GRK5: variants seen among roughly 807,000 people sequenced by gnomAD.
The protein encoded by GRK5 is g protein-coupled receptor kinase GRK5.
In GRK5, 40 loss-of-function variants were observed where a neutral mutation model predicts 78.4. The observed-to-expected ratio is 0.51, with a 90% CI of 0.40 to 0.66. The LOEUF is 0.66. Ranked by LOEUF, GRK5 falls within the 30% of genes least tolerant of loss-of-function variation. The pLI is 0.00. For synonymous variants in GRK5, 289 were observed against 296.8 expected, an observed-to-expected ratio of 0.97 and a Z score of 0.27; for missense variants, 598 against 759.9, an observed-to-expected ratio of 0.79 and a Z score of 2.50.
chr10:119,253,140 C>T lies in GRK5; in HGVS notation c.52+45171C>T, dbSNP rs542462687. ...TGCTGATGAGGGAGAGTTGGTGGCTCAGTGGTGACAGCACAGGTTTGACAG... is the reference window on the plus strand; with the variant it reads ...TGCTGATGAGGGAGAGTTGGTGGCTTAGTGGTGACAGCACAGGTTTGACAG... On this transcript the variant is annotated intron_variant, in intron 1 of 15. Coordinates refer to ENST00000392870, the MANE Select transcript of GRK5 (RefSeq NM_005308.3). This position sits in a 1 kb window ranked among gnomAD's most constrained non-coding sequence, Gnocchi z 5.7. Among the ~76,000 whole-genome samples the T allele has an allele frequency of 6.6e-5, 10 of 152,240 alleles. No individual in the cohort carries two copies. The highest frequency in any genetic ancestry group is 2.4e-4 in the African/African-American group (10 of 41,528).
At position 119,443,537 on chromosome 10, in the gene GRK5, C is replaced by T. The variant is rs1276815772; in HGVS notation, c.1058-7C>T. 6.3e-7 allele frequency: 1 copy of T among 1,598,760 alleles called. No individual in the cohort carries two copies. Among genetic ancestry groups the T allele is most frequent in the Non-Finnish European group, 8.6e-7 (1 of 1,167,632 alleles). The stretch of plus-strand genomic sequence containing the variant: ...CCTCACTCCTCTCTCCTCTCCTCTG[C>T]CCCCAGCTCCAGAGGTCCTGAACAA... On this transcript the variant is annotated splice_polypyrimidine_tract_variant and splice_region_variant and intron_variant, in intron 11 of 15. Coordinates refer to ENST00000392870, the MANE Select transcript of GRK5 (RefSeq NM_005308.3).
chr10:119,438,640 G>A (rs918058359), intron 9 of GRK5, among the ~76,000 whole-genome samples: 1 of 152,002 alleles, frequency 6.6e-6, no homozygotes, highest in Non-Finnish European at 1.5e-5. Flanking sequence ...GTCTTCTTCC[G>A]GGGGAAAGAG....
intron 2 of GRK5, among the ~76,000 whole-genome samples, chr10:119,342,124 G>C (rs1850993678): frequency 6.6e-6 from 1 of 152,248 alleles, no homozygotes; most frequent in Non-Finnish European, 1.5e-5. Context: ...TCTGCTAAAG[G>C]CCTTGGCTGA....
intron 2 of GRK5, among the ~76,000 whole-genome samples, chr10:119,335,713 C>T (rs1358246764): frequency 6.6e-6 from 1 of 152,234 alleles, no homozygotes; most frequent in African/African-American, 2.4e-5. Context: ...TGTTAAGCTC[C>T]TCCTCTGTGC....
At chr10:119,373,506 A>G (rs1589770832) in intron 2 of GRK5, among the ~76,000 whole-genome samples, 1 of 152,204 alleles carries the variant, frequency 6.6e-6, no homozygotes, top group East Asian at 1.9e-4. Context: ...CCACCATGTA[A>G]GACGTCCCTT....
At chr10:119,222,505 A>G (rs1304882444) in intron 1 of GRK5, among the ~76,000 whole-genome samples, 1 of 152,136 alleles carries the variant, frequency 6.6e-6, no homozygotes, top group Middle Eastern at 3.4e-3. Context: ...AAAGGTTTGC[A>G]TGGAATTTAC....
intron 1 of GRK5, among the ~76,000 whole-genome samples, chr10:119,318,320 C>T (rs1030015708): frequency 1.3e-5 from 2 of 152,166 alleles, no homozygotes; most frequent in African/African-American, 2.4e-5. Flanking sequence ...ACCTACGTCA[C>T]GGGGGTGATG....
chr10:119,270,834 T>C (rs1849571343), intron 1 of GRK5, among the ~76,000 whole-genome samples: 1 of 152,230 alleles, frequency 6.6e-6, no homozygotes, highest in Admixed American at 6.5e-5. Context: ...TGCAGTGTGC[T>C]TGGCACGTTA....
intron 4 of GRK5, among the ~76,000 whole-genome samples, chr10:119,410,680 AG>A (rs1233819719): frequency 6.6e-6 from 1 of 152,104 alleles, no homozygotes; most frequent in Non-Finnish European, 1.5e-5. Flanking sequence ...ACCATCTGAA[AG>A]GGGTCTAGAA....
rs140986796 is a variant in GRK5, at chr10:119,263,152, C to T, written c.52+55183C>T. Reference sequence around the variant, plus strand: ...CCTCCCCAGTAGCTGGGATTACAGGCGCGCACACCACACCCAGCTAGTTTT... The same window carrying T: ...CCTCCCCAGTAGCTGGGATTACAGGTGCGCACACCACACCCAGCTAGTTTT... On this transcript the variant is annotated intron_variant, in intron 1 of 15. Transcript: ENST00000392870. 6.5e-3 allele frequency among the ~76,000 whole-genome samples: 988 copies of T among 152,066 alleles called. 11 individuals carry two copies. The highest frequency in any genetic ancestry group is 0.022 in the African/African-American group (927 of 41,462).
chr10:119,247,907 C>T (rs1849138799), intron 1 of GRK5, among the ~76,000 whole-genome samples: 1 of 152,214 alleles, frequency 6.6e-6, no homozygotes, highest in African/African-American at 2.4e-5. Context: ...CCCACCCTGC[C>T]TGGCTGCTGA....
chr10:119,282,093 C>G (rs1305483086), intron 1 of GRK5, among the ~76,000 whole-genome samples: 1 of 152,126 alleles, frequency 6.6e-6, no homozygotes, highest in South Asian at 2.1e-4. Flanking sequence ...CCAGTGTGCC[C>G]TGCTGTGATT....
chr10:119,453,116 C>T, intron 14 of GRK5, 29 bp from the exon 15 acceptor site: 4 of 1,403,592 alleles, frequency 2.8e-6, no homozygotes, highest in South Asian at 1.1e-5. Flanking sequence ...CAGTTGACGG[C>T]CTGTGTTTTG....
At chr10:119,314,803 C>T (rs551125055) in intron 1 of GRK5, among the ~76,000 whole-genome samples, 1 of 152,322 alleles carries the variant, frequency 6.6e-6, no homozygotes, top group East Asian at 1.9e-4. Context: ...TCTGGGGCAG[C>T]GTAGTAATGG....
intron 2 of GRK5, among the ~76,000 whole-genome samples, chr10:119,359,961 TGAG>T (rs1168402815): frequency 6.7e-6 from 1 of 149,776 alleles, no homozygotes; most frequent in Non-Finnish European, 1.5e-5. Flanking sequence ...TGAGGGGGCT[TGAG>T]GAGGCTGGGG....
intron 2 of GRK5, among the ~76,000 whole-genome samples, chr10:119,358,441 C>T (rs188045602): frequency 6.6e-4 from 101 of 152,284 alleles, no homozygotes; most frequent in Non-Finnish European, 1.2e-3. Flanking sequence ...CTCATGCCTC[C>T]ACCCAGGCCC....
intron 1 of GRK5, among the ~76,000 whole-genome samples, chr10:119,276,997 T>C (rs186627830): frequency 6.6e-6 from 1 of 152,366 alleles, no homozygotes; most frequent in African/African-American, 2.4e-5. Flanking sequence ...AATATATCCC[T>C]ATATCCATGC....
chr10:119,284,244 T>C (rs538919557), intron 1 of GRK5, among the ~76,000 whole-genome samples: 1 of 152,328 alleles, frequency 6.6e-6, no homozygotes, highest in African/African-American at 2.4e-5. Context: ...GAACAACTGA[T>C]ATTATTTTAA....
At chr10:119,292,433 C>T (rs771081609) in intron 1 of GRK5, among the ~76,000 whole-genome samples, 1 of 152,306 alleles carries the variant, frequency 6.6e-6, no homozygotes, top group Middle Eastern at 3.4e-3. Context: ...TGGGTTGCTG[C>T]CTTGGGCAGG....
Sources: allele counts gnomAD v4.1 joint callset (sites outside exome capture counted in the v4.1 genomes callset), GRCh38; gene constraint gnomAD v4.1.1; non-coding constraint Gnocchi (gnomAD v3.1); transcripts MANE v1.5; gene names NCBI Gene and HGNC (gene_info 2026-07-23, HGNC 2026-07-21).